Variants in AP2B1 observed in about 807,000 individuals in gnomAD.
AP2B1 encodes AP-2 complex subunit beta.
Under a neutral mutation model 102.0 loss-of-function variants are expected in AP2B1, and 23 were observed. The observed-to-expected ratio is 0.23, with a 90% CI of 0.16 to 0.32. The LOEUF is 0.32. AP2B1 is among the 10% of genes least tolerant of loss of function. The pLI is 1.00. For synonymous variants in AP2B1, 381 were observed against 421.2 expected, an observed-to-expected ratio of 0.90 and a Z score of 1.17; for missense variants, 541 against 1,157.4, an observed-to-expected ratio of 0.47 and a Z score of 7.73.
intron 1 of AP2B1, among the ~76,000 whole-genome samples, chr17:35,590,079 C>A (rs1480040806): frequency 1.3e-5 from 2 of 152,018 alleles, no homozygotes; most frequent in African/African-American, 4.8e-5. Context: ...GCGCCCGCCA[C>A]ACGCCTGGCT....
chr17:35,648,733 A>T (rs944578377), intron 12 of AP2B1, among the ~76,000 whole-genome samples: 9 of 116,560 alleles, frequency 7.7e-5, no homozygotes, highest in African/African-American at 3.3e-4. Flanking sequence ...AACTGGTTTT[A>T]TATGAAATAA....
Position 35,627,739 on chromosome 17 carries a change from T to C in AP2B1, c.1155+13T>C, listed in dbSNP as rs1354133739. 6.2e-7 allele frequency: 1 copy of C among 1,610,928 alleles called. No individual in the cohort carries two copies. The highest frequency in any genetic ancestry group is 8.5e-7 in the Non-Finnish European group (1 of 1,177,530). On this transcript the variant is annotated intron_variant, in intron 9 of 21. Coordinates refer to ENST00000610402, the MANE Select transcript of AP2B1 (RefSeq NM_001030006.2). ...CATCAAGGTGGAGGCAAGTGTCTGATGGTAGTTAGGATCATGTATTGGGGA... is the reference window on the plus strand; with the variant it reads ...CATCAAGGTGGAGGCAAGTGTCTGACGGTAGTTAGGATCATGTATTGGGGA...
chr17:35,715,099 T>C (rs1396600564), intron 20 of AP2B1, among the ~76,000 whole-genome samples: 2 of 152,212 alleles, frequency 1.3e-5, no homozygotes, highest in Admixed American at 1.3e-4. Context: ...AACTAAAATG[T>C]ATAAAAATCG....
At chr17:35,610,945 C>G (rs1309767906) in intron 5 of AP2B1, among the ~76,000 whole-genome samples, 1 of 150,806 alleles carries the variant, frequency 6.6e-6, no homozygotes, top group Non-Finnish European at 1.5e-5. Flanking sequence ...CGTGGTGGTG[C>G]ATGCCTGTAA....
At chr17:35,714,833 A>G (rs2076520700) in intron 20 of AP2B1, among the ~76,000 whole-genome samples, 1 of 152,210 alleles carries the variant, frequency 6.6e-6, no homozygotes, top group South Asian at 2.1e-4. Flanking sequence ...TATGCCTCAG[A>G]TGATATCATC....
intron 20 of AP2B1, among the ~76,000 whole-genome samples, chr17:35,714,992 G>A (rs1305883420): frequency 6.6e-6 from 1 of 152,136 alleles, no homozygotes; most frequent in African/African-American, 2.4e-5. Context: ...AGTCAGACCA[G>A]GAAGCCTCCT....
chr17:35,690,829 G>A (rs1394157314), intron 18 of AP2B1, among the ~76,000 whole-genome samples: 1 of 152,052 alleles, frequency 6.6e-6, no homozygotes, highest in Non-Finnish European at 1.5e-5. Flanking sequence ...CTTTTTCCAG[G>A]AGAAAGGAAA....
At chr17:35,711,265 C>T (rs781945351) in intron 20 of AP2B1, among the ~76,000 whole-genome samples, 1 of 152,092 alleles carries the variant, frequency 6.6e-6, no homozygotes, top group Non-Finnish European at 1.5e-5. Context: ...GGTGCTTGGT[C>T]GGTACCTCCT....
At position 35,723,804 on chromosome 17, in the gene AP2B1, C is replaced by A; in HGVS notation, c.*105C>A. On this transcript the variant is annotated 3_prime_UTR_variant, in exon 22 of 22. Coordinates refer to ENST00000610402, the MANE Select transcript of AP2B1 (RefSeq NM_001030006.2). ...GCGTAGAATCTGAACACACTGAGGC[C>A]ACCTAGCAAGGTAGTAACTAGTCTA... 1 of 829,064 alleles carries A rather than the reference C, an allele frequency of 1.2e-6. No homozygotes were observed. The highest frequency in any genetic ancestry group is 1.5e-5 in the South Asian group (1 of 67,428). 51.4% of individuals were successfully genotyped at this position (829,064 alleles called of 1,614,324 possible).
At chr17:35,645,349 A>G (rs2074899736) in intron 12 of AP2B1, among the ~76,000 whole-genome samples, 1 of 152,190 alleles carries the variant, frequency 6.6e-6, no homozygotes, top group South Asian at 2.1e-4. Flanking sequence ...AGAGTTAATT[A>G]ATACTGTTCT....
chr17:35,621,102 T>C (rs2074163697), intron 5 of AP2B1, among the ~76,000 whole-genome samples: 1 of 152,206 alleles, frequency 6.6e-6, no homozygotes, highest in Admixed American at 6.5e-5. Flanking sequence ...GAAGAGGAAG[T>C]AAATCTTGAG....
Position 35,650,673 on chromosome 17 carries a change from G to C in AP2B1, c.1680G>C (p.Leu560=), listed in dbSNP as rs769333700. 6.2e-7 allele frequency: 1 copy of C among 1,614,172 alleles called. No individual in the cohort carries two copies. The highest frequency in any genetic ancestry group is 2.2e-5 in the East Asian group (1 of 44,882). Residue 560 remains leucine (L), a synonymous_variant, in exon 13 of 22, where the codon CTG becomes CTC. Coordinates refer to ENST00000610402, the MANE Select transcript of AP2B1 (RefSeq NM_001030006.2). ...EETDLIEPTL[L]DELICHIGSL... ...CGGACCTTATTGAGCCAACTCTGCT[G>C]GATGAGCTAATCTGCCACATTGGTT...
chr17:35,649,453 A>G (rs1174885386), intron 12 of AP2B1, among the ~76,000 whole-genome samples: 1 of 152,060 alleles, frequency 6.6e-6, no homozygotes, highest in Non-Finnish European at 1.5e-5. Flanking sequence ...TATTTGTAGT[A>G]GATACGGGGT....
At chr17:35,672,183 A>G (rs2075603321) in intron 16 of AP2B1, among the ~76,000 whole-genome samples, 1 of 152,248 alleles carries the variant, frequency 6.6e-6, no homozygotes, top group Non-Finnish European at 1.5e-5. Flanking sequence ...CATTGAAGTC[A>G]ATCTAGTGAA....
intron 18 of AP2B1, among the ~76,000 whole-genome samples, chr17:35,702,792 G>A (rs139088700): frequency 6.6e-6 from 1 of 152,278 alleles, no homozygotes; most frequent in East Asian, 1.9e-4. Flanking sequence ...GTGGGGAGGG[G>A]AGATTAAGAG....
intron 17 of AP2B1, among the ~76,000 whole-genome samples, chr17:35,681,397 G>A (rs1037322174): frequency 2.0e-5 from 3 of 152,032 alleles, no homozygotes; most frequent in Admixed American, 6.6e-5. Flanking sequence ...ATTGGTTTTC[G>A]TTTTTGTTTT....
At chr17:35,613,018 CA>C (rs368991901) in intron 5 of AP2B1, among the ~76,000 whole-genome samples, 71 of 143,102 alleles carry the variant, frequency 5.0e-4, no homozygotes, top group African/African-American at 1.5e-3. Flanking sequence ...ATGAAAGATA[CA>C]AAAAAAAAAG....
Position 35,616,142 on chromosome 17 carries a change from C to CTTTTTTT in AP2B1, c.525+7788_525+7794dup, listed in dbSNP as rs71152739. Among the ~76,000 whole-genome samples the CTTTTTTT allele has an allele frequency of 3.3e-4, 19 of 57,436 alleles. 3 individuals are homozygous for CTTTTTTT. The highest frequency in any genetic ancestry group is 5.7e-4 in the East Asian group (1 of 1,760). 37.7% of individuals were successfully genotyped at this position (57,436 alleles called of 152,430 possible). A position where few individuals can be genotyped will look rare whatever the true frequency, so the allele number is the denominator to read the frequency against. On this transcript the variant is annotated intron_variant, in intron 5 of 21. Coordinates refer to ENST00000610402, the MANE Select transcript of AP2B1 (RefSeq NM_001030006.2). ...TGAACTTAGGTTTTAAAAAATATCT[C>CTTTTTTT]TTTTTTTTTTTTTTTTTTTTTTTTT...
chr17:35,715,634 A>G (rs1555589496), intron 20 of AP2B1, among the ~76,000 whole-genome samples: 1 of 152,230 alleles, frequency 6.6e-6, no homozygotes, highest in African/African-American at 2.4e-5. Context: ...CAAAGCTGCA[A>G]GAGCCCTTCA....
Sources: allele counts gnomAD v4.1 joint callset (sites outside exome capture counted in the v4.1 genomes callset), GRCh38; gene constraint gnomAD v4.1.1; transcripts MANE v1.5; gene names NCBI Gene and HGNC (gene_info 2026-07-23, HGNC 2026-07-21).